DNAJC3: variants seen among roughly 807,000 people sequenced by gnomAD.
DNAJC3 encodes the protein DnaJ heat shock protein family (Hsp40) member C3.
In DNAJC3, 38 loss-of-function variants were observed where a neutral mutation model predicts 68.6. The observed-to-expected ratio is 0.55, with a 90% confidence interval of 0.43 to 0.73. The LOEUF (loss-of-function observed/expected upper bound fraction) is 0.73, where lower values mean the gene tolerates loss of function less well. DNAJC3 is among the 30% of genes least tolerant of loss of function. The pLI, the probability that DNAJC3 is intolerant of heterozygous loss-of-function variation, is 0.00. For missense variants in DNAJC3, 526 were observed against 591.9 expected (o/e 0.89, Z 1.16); for synonymous variants, 203 against 204.0 (o/e 1.00, Z 0.04).
intron 4 of DNAJC3, among the ~76,000 whole-genome samples, chr13:95,731,941 T>G (rs1881730684): frequency 6.6e-6 from 1 of 151,122 alleles, no homozygotes; most frequent in African/African-American, 2.4e-5. Flanking sequence ...GGTCGCACTT[T>G]GTTGCACAGG....
chr13:95,721,317 A>T (rs1881315285), intron 2 of DNAJC3, among the ~76,000 whole-genome samples: 1 of 152,182 alleles, frequency 6.6e-6, no homozygotes, highest in Admixed American at 6.5e-5. Flanking sequence ...TCATCCACTG[A>T]TGGACTTCGG....
intron 3 of DNAJC3, among the ~76,000 whole-genome samples, chr13:95,724,787 G>T (rs908126118): frequency 1.3e-5 from 2 of 152,042 alleles, no homozygotes; most frequent in Non-Finnish European, 2.9e-5. Context: ...TGTTTTCAAG[G>T]TTCATTCATG....
chr13:95,725,302 G>A (rs763320586), intron 4 of DNAJC3, 50 bp downstream of exon 4: 23 of 1,373,006 alleles, frequency 1.7e-5, no homozygotes, highest in East Asian at 4.9e-5. Flanking sequence ...TTGAGAGAAC[G>A]TATTTGACCT....
At chr13:95,740,893 T>C (rs1405842122) in intron 4 of DNAJC3, among the ~76,000 whole-genome samples, 5 of 152,254 alleles carry the variant, frequency 3.3e-5, no homozygotes, top group Admixed American at 3.3e-4. Flanking sequence ...AGTTCCAGTA[T>C]TTGTCTGATT....
intron 9 of DNAJC3, among the ~76,000 whole-genome samples, chr13:95,781,400 A>G (rs1484902125): frequency 6.6e-6 from 1 of 152,078 alleles, no homozygotes; most frequent in Non-Finnish European, 1.5e-5. Context: ...CAGATCTGCT[A>G]GGGCCTCTTA....
In DNAJC3 at chr13:95,710,240, T is replaced by C. The variant is rs571004316; in HGVS notation, c.193+903T>C. 2.2e-3 allele frequency among the ~76,000 whole-genome samples: 338 copies of C among 151,622 alleles called. 5 individuals carry two copies. The highest frequency in any genetic ancestry group is 0.01 in the Middle Eastern group (3 of 294). The stretch of plus-strand genomic sequence containing the variant: ...TTTCTCTCCTTTTCTTTTCTTTTTT[T>C]TTTTTTTTGCTTTTTTGAGACAGAG... On this transcript the variant is annotated intron_variant, in intron 2 of 11. Transcript: ENST00000602402.
chr13:95,773,669 A>C (rs1883217576), intron 9 of DNAJC3, among the ~76,000 whole-genome samples: 1 of 150,852 alleles, frequency 6.6e-6, no homozygotes, highest in African/African-American at 2.4e-5. Context: ...TAATATTAAT[A>C]ATTTGTATTT....
chr13:95,702,423 A>T (rs1880609711), intron 1 of DNAJC3, among the ~76,000 whole-genome samples: 1 of 152,218 alleles, frequency 6.6e-6, no homozygotes, highest in Non-Finnish European at 1.5e-5. Context: ...CAACAAAGCA[A>T]CTTTATTTTT....
chr13:95,789,038 C>T (rs1304908535), intron 11 of DNAJC3, among the ~76,000 whole-genome samples: 1 of 152,164 alleles, frequency 6.6e-6, no homozygotes, highest in Non-Finnish European at 1.5e-5. Flanking sequence ...CTTTGAACCC[C>T]TAAAGGACAA....
intron 2 of DNAJC3, among the ~76,000 whole-genome samples, chr13:95,717,452 G>T (rs184648518): frequency 6.6e-6 from 1 of 152,332 alleles, no homozygotes; most frequent in Admixed American, 6.5e-5. Flanking sequence ...TCTGAGCTAT[G>T]CTACTATTTT....
chr13:95,720,860 C>T (rs777758515), intron 2 of DNAJC3, among the ~76,000 whole-genome samples: 1 of 151,304 alleles, frequency 6.6e-6, no homozygotes, highest in African/African-American at 2.4e-5. Context: ...TTAAAAAATA[C>T]ATTTTTTTTT....
intron 10 of DNAJC3, 75 bp downstream of exon 10, chr13:95,786,146 C>T (rs1463183995): frequency 2.2e-6 from 3 of 1,380,002 alleles, no homozygotes; most frequent in Non-Finnish European, 1.9e-6. Context: ...GCTCTTTTTC[C>T]TCTCTGATTC....
chr13:95,683,478 C>T (rs1879980797), intron 1 of DNAJC3, among the ~76,000 whole-genome samples: 1 of 152,174 alleles, frequency 6.6e-6, no homozygotes, highest in Non-Finnish European at 1.5e-5. Context: ...CAGTATCTCC[C>T]CCCTCTCTGT....
intron 4 of DNAJC3, among the ~76,000 whole-genome samples, chr13:95,738,712 T>C (rs1360358575): frequency 6.6e-6 from 1 of 152,240 alleles, no homozygotes; most frequent in Non-Finnish European, 1.5e-5. Context: ...TGGGCTTATG[T>C]GTGTCTCTGC....
intron 9 of DNAJC3, among the ~76,000 whole-genome samples, chr13:95,771,284 C>A (rs1883151064): frequency 6.6e-6 from 1 of 152,064 alleles, no homozygotes; most frequent in Non-Finnish European, 1.5e-5. Flanking sequence ...ACCCATGCGA[C>A]ATGTTAAAGC....
At chr13:95,729,346 T>TTCTCCCTCTCCC (rs1321923417) in intron 4 of DNAJC3, among the ~76,000 whole-genome samples, 1,676 of 121,608 alleles carry the variant, frequency 0.014, 43 homozygotes, top group African/African-American at 0.05. Flanking sequence ...CTCCCTCTCC[T>TTCTCCCTCTCCC]TCTCCCCATC....
rs1408876758 is a variant in DNAJC3, at chr13:95,723,379, C to T, written c.318+13C>T. Reference sequence around the variant, plus strand: ...GGACTTCACTGCAGTAAGTATATCTCAACTTTCTTTAAAGGGGAACTTAAC... The same window carrying T: ...GGACTTCACTGCAGTAAGTATATCTTAACTTTCTTTAAAGGGGAACTTAAC... On this transcript the variant is annotated intron_variant, in intron 3 of 11. Coordinates refer to ENST00000602402, the MANE Select transcript of DNAJC3 (RefSeq NM_006260.5). 1.2e-6 allele frequency: 2 copies of T among 1,601,990 alleles called. No homozygotes were observed. Among genetic ancestry groups the T allele is most frequent in the Non-Finnish European group, 1.7e-6 (2 of 1,173,522 alleles).
At chr13:95,773,925 C>T (rs1315527571) in intron 9 of DNAJC3, among the ~76,000 whole-genome samples, 1 of 151,672 alleles carries the variant, frequency 6.6e-6, no homozygotes, top group Non-Finnish European at 1.5e-5. Flanking sequence ...TTAGTAGAGA[C>T]GGGGTTTCAC....
chr13:95,694,779 C>T (rs961577047), intron 1 of DNAJC3: 5 of 152,592 alleles, frequency 3.3e-5, no homozygotes, highest in South Asian at 2.1e-4. Context: ...CCATATCAAC[C>T]GAGTTGTAAA....
Sources: allele counts gnomAD v4.1 joint callset (sites outside exome capture counted in the v4.1 genomes callset), GRCh38; gene constraint gnomAD v4.1.1; transcripts MANE v1.5; gene names NCBI Gene and HGNC (gene_info 2026-07-23, HGNC 2026-07-21).